Variants in BMPER observed in about 807,000 individuals in gnomAD.
The protein encoded by BMPER is BMP binding endothelial regulator, also known as BMP-binding endothelial regulator protein.
Under a neutral mutation model 87.3 loss-of-function variants are expected in BMPER, and 45 were observed. The observed-to-expected ratio is 0.52, with a 90% CI of 0.41 to 0.66. BMPER has a LOEUF of 0.66. Ranked by LOEUF, BMPER falls within the 30% of genes least tolerant of loss-of-function variation. BMPER has a pLI of 0.00. For synonymous variants in BMPER, 326 were observed against 316.2 expected (o/e 1.03, Z -0.33); for missense variants, 784 against 867.5 (o/e 0.90, Z 1.21).
At chr7:34,010,198 TAGCTCAGATGTC>T (rs1418254688) in intron 6 of BMPER, among the ~76,000 whole-genome samples, 2 of 151,910 alleles carry the variant, frequency 1.3e-5, no homozygotes, top group South Asian at 2.1e-4. Context: ...TTTTGAAATT[TAGCTCAGATGTC>T]ATCTCCTATG....
chr7:34,136,245 A>C (rs10259058), intron 13 of BMPER, among the ~76,000 whole-genome samples: 245 of 152,242 alleles, frequency 1.6e-3, no homozygotes, highest in African/African-American at 5.5e-3. Context: ...CCCAGGATTG[A>C]AGCTTCTGGC....
intron 9 of BMPER, 27 bp downstream of exon 9, chr7:34,055,330 A>G (rs1788254732): frequency 6.2e-7 from 1 of 1,612,684 alleles, no homozygotes; most frequent in African/African-American, 1.3e-5. Flanking sequence ...GCACATGGGA[A>G]CTCCTGTATT....
At chr7:34,027,331 A>G (rs1469961589) in intron 6 of BMPER, among the ~76,000 whole-genome samples, 1 of 152,124 alleles carries the variant, frequency 6.6e-6, no homozygotes, top group Non-Finnish European at 1.5e-5. Context: ...AGAGCAAGAC[A>G]ATGACATGAG....
At chr7:33,909,687 A>C (rs1223491984) in intron 2 of BMPER, among the ~76,000 whole-genome samples, 1 of 135,248 alleles carries the variant, frequency 7.4e-6, no homozygotes, top group African/African-American at 2.7e-5. Context: ...GTACAAAAAA[A>C]AAAAAAAAAG....
intron 6 of BMPER, among the ~76,000 whole-genome samples, chr7:34,017,688 C>G (rs1241860245): frequency 6.6e-6 from 1 of 151,840 alleles, no homozygotes; most frequent in East Asian, 2.0e-4. Context: ...TTAACACACA[C>G]ATTACTGAGC....
intron 8 of BMPER, among the ~76,000 whole-genome samples, chr7:34,054,605 A>T (rs2127961680): frequency 6.6e-6 from 1 of 152,326 alleles, no homozygotes; most frequent in African/African-American, 2.4e-5. Flanking sequence ...ACTCCACTAC[A>T]TTAGAGCTCT....
chr7:34,109,836 T>A (rs1789915183), intron 13 of BMPER, among the ~76,000 whole-genome samples: 1 of 152,262 alleles, frequency 6.6e-6, no homozygotes, highest in Non-Finnish European at 1.5e-5. Context: ...TTTGACTTTC[T>A]TGAGTATAAC....
intron 6 of BMPER, among the ~76,000 whole-genome samples, chr7:34,020,256 C>T (rs757184688): frequency 7.2e-5 from 11 of 151,796 alleles, no homozygotes; most frequent in Admixed American, 3.9e-4. Context: ...CAGTATAAAC[C>T]GTGGATATGG....
chr7:34,010,630 A>G (rs1292536619), intron 6 of BMPER, among the ~76,000 whole-genome samples: 1 of 151,906 alleles, frequency 6.6e-6, no homozygotes, highest in Non-Finnish European at 1.5e-5. Context: ...TGCTATTGTC[A>G]CAAGTATCCA....
chr7:33,999,124 C>G (rs1331316407), intron 6 of BMPER, among the ~76,000 whole-genome samples: 2 of 152,194 alleles, frequency 1.3e-5, no homozygotes, highest in African/African-American at 4.8e-5. Context: ...TTACATGTTC[C>G]CAGAGAGGAA....
rs555635512 is a variant in BMPER at position 34,062,117 on chromosome 7, G to A, written c.1078+70G>A. 62 of 1,375,240 alleles carry A rather than the reference G, an allele frequency of 4.5e-5. 1 individual carries two copies. The South Asian group carries it at 4.8e-4, about 11-fold the overall frequency. 85.2% of individuals were successfully genotyped at this position (1,375,240 alleles called of 1,614,324 possible). ...ATTTTATAGTGCAACAAGAAAAATA[G>A]GGGTGTATGTTTCCCACACATTTTA... On this transcript the variant is annotated intron_variant, in intron 11 of 14. Coordinates refer to ENST00000649409, the MANE Select transcript of BMPER (RefSeq NM_001365308.1).
At chr7:33,993,321 T>A (rs1015580142) in intron 6 of BMPER, among the ~76,000 whole-genome samples, 1 of 151,940 alleles carries the variant, frequency 6.6e-6, no homozygotes, top group Non-Finnish European at 1.5e-5. Flanking sequence ...TGATTTCTTT[T>A]TATTCTTTTT....
chr7:33,939,470 C>T (rs1029073825), intron 3 of BMPER, among the ~76,000 whole-genome samples: 2 of 152,100 alleles, frequency 1.3e-5, no homozygotes, highest in Non-Finnish European at 2.9e-5. Context: ...AGAATCCTGC[C>T]CTGCTCTAAG....
intron 8 of BMPER, among the ~76,000 whole-genome samples, chr7:34,052,361 T>C (rs768444424): frequency 5.9e-5 from 9 of 152,224 alleles, no homozygotes; most frequent in Non-Finnish European, 1.2e-4. Flanking sequence ...GGATTTACAG[T>C]TCATCACAAA....
At position 34,155,222 on chromosome 7, in the gene BMPER, G is replaced by A. The variant is rs1791281022; in HGVS notation, c.*1949G>A. On this transcript the variant is annotated 3_prime_UTR_variant, in exon 15 of 15. Transcript: ENST00000649409. ...GGAAAATCAGTTGACGTTGCCTGGT[G>A]GTTCCTACCTTCTGTAAAACGAACA... 1 of 152,156 alleles carries A rather than the reference G, an allele frequency of 6.6e-6. No homozygotes were observed. The highest frequency in any genetic ancestry group is 1.5e-5 in the Non-Finnish European group (1 of 68,038). The allele number at this position is 152,156 out of a possible 1,614,324, so 9.4% of individuals were successfully genotyped here. A position where few individuals can be genotyped will look rare whatever the true frequency, so the allele number is the denominator to read the frequency against.
At chr7:34,032,092 G>A (rs151206045) in intron 6 of BMPER, among the ~76,000 whole-genome samples, 3 of 150,612 alleles carry the variant, frequency 2.0e-5, no homozygotes, top group African/African-American at 4.9e-5. Context: ...TACCTCAGTT[G>A]TTCTGTTCTT....
intron 6 of BMPER, among the ~76,000 whole-genome samples, chr7:33,986,945 C>T (rs1397308064): frequency 6.6e-6 from 1 of 151,912 alleles, no homozygotes; most frequent in Admixed American, 6.6e-5. Flanking sequence ...TCGTGGCTCC[C>T]CTCCCCTCCT....
chr7:34,148,845 G>C (rs1791097331), intron 14 of BMPER, among the ~76,000 whole-genome samples: 1 of 152,180 alleles, frequency 6.6e-6, no homozygotes, highest in African/African-American at 2.4e-5. Context: ...CTGCTGAGAA[G>C]TTTTTATACT....
At chr7:34,116,555 T>G (rs1790123386) in intron 13 of BMPER, among the ~76,000 whole-genome samples, 1 of 152,206 alleles carries the variant, frequency 6.6e-6, no homozygotes, top group South Asian at 2.1e-4. Flanking sequence ...TGTGAGACCC[T>G]TAGAGATTAG....
Sources: allele counts gnomAD v4.1 joint callset (sites outside exome capture counted in the v4.1 genomes callset), GRCh38; gene constraint gnomAD v4.1.1; transcripts MANE v1.5; gene names NCBI Gene and HGNC (gene_info 2026-07-23, HGNC 2026-07-21).